PCDH7: variants seen among roughly 807,000 people sequenced by gnomAD.
PCDH7 encodes the protein protocadherin 7, also known as protocadherin-7.
PCDH7 carries 17 observed loss-of-function variants against 58.9 expected under a neutral mutation model. The ratio of observed to expected loss-of-function variants is 0.29; its 90% CI spans 0.20 to 0.43. The LOEUF is 0.43. Ranked by LOEUF, PCDH7 falls within the 20% of genes least tolerant of loss-of-function variation. PCDH7 has a pLI of 1.00. For missense variants in PCDH7, 1,274 were observed against 1,441.0 expected, an observed-to-expected ratio of 0.88 and a Z score of 1.88; for synonymous variants, 664 against 616.4, an observed-to-expected ratio of 1.08 and a Z score of -1.14.
chr4:30,856,334 G>A (rs1733455511), intron 1 of PCDH7, among the ~76,000 whole-genome samples: 1 of 152,006 alleles, frequency 6.6e-6, no homozygotes, highest in South Asian at 2.1e-4. Context: ...CGTATGTACT[G>A]GAGTCGTATT....
chr4:30,768,560 T>C (rs937751720), intron 1 of PCDH7, among the ~76,000 whole-genome samples: 2 of 152,184 alleles, frequency 1.3e-5, no homozygotes, highest in Non-Finnish European at 2.9e-5. Flanking sequence ...AAGCAGGAAA[T>C]TGGACTTAAT....
intron 3 of PCDH7, among the ~76,000 whole-genome samples, chr4:31,073,451 A>G (rs2109256193): frequency 6.6e-6 from 1 of 152,290 alleles, no homozygotes; most frequent in South Asian, 2.1e-4. Flanking sequence ...CAACTGACTC[A>G]TCATTACTTA....
At chr4:31,010,934 G>A (rs1179250703) in intron 3 of PCDH7, among the ~76,000 whole-genome samples, 2 of 152,056 alleles carry the variant, frequency 1.3e-5, no homozygotes, top group Non-Finnish European at 2.9e-5. Context: ...TATAGGTACT[G>A]GATAGAAAAT....
intron 3 of PCDH7, among the ~76,000 whole-genome samples, chr4:31,039,305 T>C (rs1038615375): frequency 1.3e-5 from 2 of 152,222 alleles, no homozygotes; most frequent in Admixed American, 1.3e-4. Flanking sequence ...GAAAGCCAAT[T>C]GAAGGGTCTT....
At chr4:30,742,467 A>G (rs1436609758) in intron 1 of PCDH7, among the ~76,000 whole-genome samples, 1 of 152,146 alleles carries the variant, frequency 6.6e-6, no homozygotes, top group South Asian at 2.1e-4. Context: ...AAATTGATCC[A>G]TATAATATAG....
intron 1 of PCDH7, among the ~76,000 whole-genome samples, chr4:30,791,287 A>G (rs1160392033): frequency 6.6e-6 from 1 of 152,188 alleles, no homozygotes; most frequent in Non-Finnish European, 1.5e-5. Context: ...CGTGGTTCAT[A>G]CATTTACAAG....
At chr4:30,894,750 G>A (rs868062293) in intron 1 of PCDH7, among the ~76,000 whole-genome samples, 19 of 150,416 alleles carry the variant, frequency 1.3e-4, no homozygotes, top group Admixed American at 6.7e-4. Flanking sequence ...GATGGATAAG[G>A]AACTCCAGGA....
chr4:30,800,545 A>G (rs1437883731), intron 1 of PCDH7, among the ~76,000 whole-genome samples: 1 of 152,160 alleles, frequency 6.6e-6, no homozygotes, highest in African/African-American at 2.4e-5. Flanking sequence ...CCTCACTACC[A>G]TGAGAGTTAG....
intron 3 of PCDH7, among the ~76,000 whole-genome samples, chr4:30,973,722 C>T (rs1286296078): frequency 1.3e-5 from 2 of 151,608 alleles, no homozygotes; most frequent in South Asian, 2.1e-4. Flanking sequence ...TTTATTCTTA[C>T]GTTAGTTCAG....
At chr4:30,732,659 G>T (rs1369084203) in exon 2 of PCDH7, 1 of 152,104 alleles carries the variant, frequency 6.6e-6, no homozygotes, top group East Asian at 1.9e-4. Context: ...TTGTGTGGAG[G>T]TGTGTGTTTC....
At chr4:30,869,914 T>C (rs1296331225) in intron 1 of PCDH7, among the ~76,000 whole-genome samples, 4 of 152,160 alleles carry the variant, frequency 2.6e-5, no homozygotes, top group Non-Finnish European at 1.5e-5. Flanking sequence ...TATAAAAGCG[T>C]TCCTATTTCT....
chr4:30,889,070 A>C (rs1738235477), intron 1 of PCDH7, among the ~76,000 whole-genome samples: 1 of 143,506 alleles, frequency 7.0e-6, no homozygotes, highest in Non-Finnish European at 1.5e-5. Context: ...AGTCCCAGCC[A>C]CTCCAGAGGC....
intron 1 of PCDH7, among the ~76,000 whole-genome samples, chr4:30,757,181 T>A (rs979538009): frequency 2.0e-5 from 3 of 152,232 alleles, no homozygotes; most frequent in Non-Finnish European, 1.5e-5. Context: ...ACTCAATGTG[T>A]AATGTGTGCA....
At chr4:30,810,765 C>T (rs1045010448) in intron 1 of PCDH7, among the ~76,000 whole-genome samples, 1 of 151,984 alleles carries the variant, frequency 6.6e-6, no homozygotes, top group African/African-American at 2.4e-5. Context: ...AACCCACCAC[C>T]ACACCCGGCT....
At chr4:31,015,884 CTAATT>C (rs1181824559) in intron 3 of PCDH7, among the ~76,000 whole-genome samples, 1 of 152,068 alleles carries the variant, frequency 6.6e-6, no homozygotes, top group Non-Finnish European at 1.5e-5. Context: ...ATGTCAATAT[CTAATT>C]TAAATTTATT....
intron 1 of PCDH7, among the ~76,000 whole-genome samples, chr4:30,916,958 C>T (rs1447347939): frequency 6.6e-6 from 1 of 152,100 alleles, no homozygotes; most frequent in Non-Finnish European, 1.5e-5. Flanking sequence ...TAAGTCACAT[C>T]TAGGTTGAAG....
chr4:30,907,945 T>A (rs139622676), intron 1 of PCDH7, among the ~76,000 whole-genome samples: 12,169 of 152,234 alleles, frequency 0.08, 683 homozygotes, highest in Non-Finnish European at 0.12. Context: ...TCATGTCCTT[T>A]GTGGGGACAT....
chr4:30,927,604 A>G (rs963113243), intron 2 of PCDH7, among the ~76,000 whole-genome samples: 1 of 152,130 alleles, frequency 6.6e-6, no homozygotes, highest in Non-Finnish European at 1.5e-5. Context: ...ACTCAGGGTT[A>G]AATGGATTAA....
intron 3 of PCDH7, among the ~76,000 whole-genome samples, chr4:31,113,092 T>C (rs568589014): frequency 6.6e-6 from 1 of 152,330 alleles, no homozygotes; most frequent in Admixed American, 6.5e-5. Context: ...TACTATTTAA[T>C]ACTAAAATTG....
Sources: gnomAD v4.1 joint callset for allele counts (sites outside exome capture counted in the v4.1 genomes callset) on GRCh38, gnomAD v4.1.1 for gene constraint, MANE v1.5 for transcripts, NCBI Gene and HGNC (gene_info 2026-07-23, HGNC 2026-07-21) for gene names.